The following BRINP3 variants were observed in gnomAD, a reference collection of about 807,000 sequenced individuals.
BRINP3 encodes the protein BMP/retinoic acid-inducible neural-specific protein 3.
BRINP3 carries 19 observed loss-of-function variants against 71.0 expected under a neutral mutation model. The observed-to-expected ratio is 0.27, with a 90% CI of 0.19 to 0.39. The LOEUF (loss-of-function observed/expected upper bound fraction) is 0.39. BRINP3 is among the 10% of genes least tolerant of loss of function. The probability of loss-of-function intolerance (pLI) is 1.00; values close to 1 mark genes in which losing one functional copy is unlikely to be tolerated. For synonymous variants in BRINP3, 380 were observed against 337.7 expected (o/e 1.13, Z -1.37); for missense variants, 959 against 940.8 (o/e 1.02, Z -0.25).
At chr1:190,130,878 G>A (rs922242442) in intron 7 of BRINP3, among the ~76,000 whole-genome samples, 21 of 152,004 alleles carry the variant, frequency 1.4e-4, no homozygotes, top group African/African-American at 5.1e-4. Context: ...AAACTTGGAA[G>A]CCACTCATCA....
chr1:190,162,813 TAATTTCTAAGA>T (rs1203206559), intron 6 of BRINP3, among the ~76,000 whole-genome samples: 2 of 152,154 alleles, frequency 1.3e-5, no homozygotes, highest in Non-Finnish European at 2.9e-5. Context: ...TGCCAGTATG[TAATTTCTAAGA>T]AATAGGGTTT....
chr1:190,131,921 C>T (rs1004389926), intron 7 of BRINP3, among the ~76,000 whole-genome samples: 6 of 152,026 alleles, frequency 3.9e-5, no homozygotes, highest in African/African-American at 1.2e-4. Flanking sequence ...GTACCTACAA[C>T]ATAGGGCTGT....
intron 2 of BRINP3, among the ~76,000 whole-genome samples, chr1:190,283,940 C>T (rs761827162): frequency 7.3e-5 from 11 of 151,696 alleles, no homozygotes; most frequent in African/African-American, 2.4e-4. Context: ...CAGTGGTTTA[C>T]AGTGCTAAAT....
intron 2 of BRINP3, among the ~76,000 whole-genome samples, chr1:190,394,591 T>G (rs894577538): frequency 7.3e-5 from 11 of 151,514 alleles, no homozygotes; most frequent in African/African-American, 2.7e-4. Flanking sequence ...AAATATCACA[T>G]ATCTATTACT....
In BRINP3 at chr1:190,339,904, A is replaced by C. The variant is rs1453343643; in HGVS notation, c.237-58154T>G. 3.3e-5 allele frequency among the ~76,000 whole-genome samples: 5 copies of C among 151,904 alleles called. No individual in the cohort carries two copies. In the South Asian group the frequency reaches 8.3e-4, roughly 25 times the overall value. On this transcript the variant is annotated intron_variant, in intron 2 of 7. Transcript: ENST00000367462. Reference sequence around the variant, plus strand: ...TTAAGATTGCAAAAGATGTTGATTTATTCTTCTGTCAAAAGGCATATATTT... The same window carrying C: ...TTAAGATTGCAAAAGATGTTGATTTCTTCTTCTGTCAAAAGGCATATATTT...
chr1:190,332,553 G>T (rs980739688), intron 2 of BRINP3, among the ~76,000 whole-genome samples: 5 of 151,982 alleles, frequency 3.3e-5, no homozygotes, highest in African/African-American at 1.2e-4. Flanking sequence ...TCAGAACTCA[G>T]GCGTGTCTAC....
At chr1:190,457,172 T>A (rs902447189) in intron 1 of BRINP3, among the ~76,000 whole-genome samples, 1 of 152,096 alleles carries the variant, frequency 6.6e-6, no homozygotes, top group Non-Finnish European at 1.5e-5. Context: ...CCAGGCACGG[T>A]AGCTCACGCC....
At chr1:190,146,355 T>C (rs1655886873) in intron 7 of BRINP3, among the ~76,000 whole-genome samples, 1 of 152,202 alleles carries the variant, frequency 6.6e-6, no homozygotes, top group African/African-American at 2.4e-5. Context: ...CTTCTCCTTG[T>C]ATACCTTTGT....
At chr1:190,283,929 T>C (rs1663231836) in intron 2 of BRINP3, among the ~76,000 whole-genome samples, 1 of 151,854 alleles carries the variant, frequency 6.6e-6, no homozygotes, top group Admixed American at 6.6e-5. Context: ...CATGTATTTT[T>C]CAGTGGTTTA....
At chr1:190,199,770 G>GAAA (rs1654825673) in intron 6 of BRINP3, among the ~76,000 whole-genome samples, 1 of 75,604 alleles carries the variant, frequency 1.3e-5, no homozygotes. Context: ...TCAAGGCATA[G>GAAA]GAAAAAAAAA....
intron 2 of BRINP3, among the ~76,000 whole-genome samples, chr1:190,338,919 T>C (rs563957503): frequency 3.4e-3 from 512 of 151,882 alleles, no homozygotes; most frequent in African/African-American, 0.012. Flanking sequence ...TTCTTATGCA[T>C]AGTTACAAGG....
intron 2 of BRINP3, among the ~76,000 whole-genome samples, chr1:190,300,423 G>C (rs1664589711): frequency 6.6e-6 from 1 of 152,082 alleles, no homozygotes; most frequent in African/African-American, 2.4e-5. Context: ...GCACTTCTCT[G>C]TATTGGTTAT....
chr1:190,121,858 A>G (rs114904607), intron 7 of BRINP3, among the ~76,000 whole-genome samples: 89 of 152,310 alleles, frequency 5.8e-4, no homozygotes, highest in African/African-American at 2.0e-3. Flanking sequence ...GCAAATTAGG[A>G]GTATGTAAAT....
Position 190,098,950 on chromosome 1 carries a change from G to C in BRINP3, c.1369C>G (p.Arg457Gly). ...SACLTCAPDN[R>G]TRCGTCNTGY... is the part of the protein sequence containing the mutation. ...GTGTTGCAGGTGCCGCAGCGGGTGC[G>C]GTTGTCTGGTGCGCATGTCAGGCAG... The change falls in exon 8 of 8, where the codon CGC becomes GGC. Residue 457 changes from arginine to glycine, a missense_variant. Arg to Gly is a moderately radical substitution (Grantham distance 125). Coordinates refer to ENST00000367462, the MANE Select transcript of BRINP3 (RefSeq NM_199051.3). The C allele has an allele frequency of 4.3e-6, 7 of 1,614,124 alleles. No individual in the cohort carries two copies. Among genetic ancestry groups the C allele is most frequent in the Non-Finnish European group, 5.9e-6 (7 of 1,180,028 alleles).
intron 4 of BRINP3, among the ~76,000 whole-genome samples, chr1:190,248,811 A>C (rs1244180399): frequency 6.6e-6 from 1 of 151,568 alleles, no homozygotes; most frequent in East Asian, 1.9e-4. Context: ...TGACATCCTA[A>C]ATTTTCTTAT....
chr1:190,459,808 C>T (rs1571370531), intron 1 of BRINP3, among the ~76,000 whole-genome samples: 1 of 152,000 alleles, frequency 6.6e-6, no homozygotes, highest in Non-Finnish European at 1.5e-5. Flanking sequence ...AACATATTTA[C>T]TTTCATTTTG....
chr1:190,423,436 T>C lies in BRINP3; in HGVS notation c.236+31219A>G, dbSNP rs1673505725. Among the ~76,000 whole-genome samples, 4 of 151,788 alleles carry C rather than the reference T, an allele frequency of 2.6e-5. No individual in the cohort carries two copies. The South Asian group carries it at 6.2e-4, about 24-fold the overall frequency. On this transcript the variant is annotated intron_variant, in intron 2 of 7. Coordinates refer to ENST00000367462, the MANE Select transcript of BRINP3 (RefSeq NM_199051.3). ...ATAACATAAAGTCAGTGAGAAAGTA[T>C]TAAATAAACATTATAAATATTTAAA...
intron 7 of BRINP3, among the ~76,000 whole-genome samples, chr1:190,124,787 C>T (rs971595151): frequency 1.3e-5 from 2 of 151,926 alleles, no homozygotes; most frequent in African/African-American, 2.4e-5. Flanking sequence ...AGTGGTTGTC[C>T]TATACAAGTA....
At chr1:190,379,323 G>A (rs1220843545) in intron 2 of BRINP3, among the ~76,000 whole-genome samples, 4 of 152,162 alleles carry the variant, frequency 2.6e-5, no homozygotes, top group Non-Finnish European at 4.4e-5. Flanking sequence ...GGCACATTGA[G>A]ATATTCCCCT....
Sources: gnomAD v4.1 joint callset for allele counts (sites outside exome capture counted in the v4.1 genomes callset) on GRCh38, gnomAD v4.1.1 for gene constraint, MANE v1.5 for transcripts, NCBI Gene and HGNC (gene_info 2026-07-23, HGNC 2026-07-21) for gene names.